CTNNA2: variants seen among roughly 807,000 people sequenced by gnomAD.
The protein encoded by CTNNA2 is catenin alpha-2.
A neutral mutation model predicts 101.0 loss-of-function variants in CTNNA2; 42 were observed. The ratio of observed to expected loss-of-function variants is 0.42; its 90% CI spans 0.32 to 0.54. The LOEUF (loss-of-function observed/expected upper bound fraction) is 0.54, where lower values mean the gene tolerates loss of function less well. CTNNA2 is among the 20% of genes least tolerant of loss of function. The pLI is 0.14. For synonymous variants in CTNNA2, 450 were observed against 456.4 expected (o/e 0.99, Z 0.18); for missense variants, 871 against 1,223.1 (o/e 0.71, Z 4.29).
At chr2:80,179,328 G>A (rs1705605893) in intron 7 of CTNNA2, among the ~76,000 whole-genome samples, 1 of 151,800 alleles carries the variant, frequency 6.6e-6, no homozygotes, top group Non-Finnish European at 1.5e-5. Flanking sequence ...GAGATGAACA[G>A]GAATGTGGTG....
Position 80,574,211 on chromosome 2 carries a change from G to A in CTNNA2, c.1790G>A (p.Ser597Asn). 5 of 1,613,750 alleles carry A rather than the reference G, an allele frequency of 3.1e-6. No homozygotes were observed. Among genetic ancestry groups the A allele is most frequent in the Non-Finnish European group, 4.2e-6 (5 of 1,179,774 alleles). ...EQVEVAIEAL[S>N]ANVPQPFEEN... is the part of the protein sequence containing the mutation. The stretch of plus-strand genomic sequence containing the variant: ...GTAGAGGTTGCCATTGAAGCCCTGA[G>A]TGCCAACGTTCCTCAACCGTTTGAG... Residue 597 changes from serine (S) to asparagine (N), a missense_variant, in exon 13 of 19, where the codon AGT (serine) becomes AAT (asparagine). Ser to Asn is a conservative substitution (Grantham distance 46). Transcript: ENST00000402739.
chr2:79,653,439 A>G (rs1462963716), intron 2 of CTNNA2, among the ~76,000 whole-genome samples: 1 of 152,156 alleles, frequency 6.6e-6, no homozygotes, highest in Non-Finnish European at 1.5e-5. Context: ...CATTAGAAAA[A>G]CAGGCTCCTC....
chr2:79,224,153 A>G (rs1435535598), intron 2 of CTNNA2, among the ~76,000 whole-genome samples: 77 of 152,336 alleles, frequency 5.1e-4, no homozygotes, highest in African/African-American at 1.9e-4. Flanking sequence ...AAATATATGT[A>G]TATGTATTTG....
At chr2:80,318,078 A>G (rs1231405777) in intron 7 of CTNNA2, among the ~76,000 whole-genome samples, 1 of 152,088 alleles carries the variant, frequency 6.6e-6, no homozygotes, top group Non-Finnish European at 1.5e-5. Flanking sequence ...ATGTCCACGT[A>G]TTCACCCATC....
intron 1 of CTNNA2, among the ~76,000 whole-genome samples, chr2:79,584,837 G>A (rs1234109728): frequency 6.6e-6 from 1 of 152,156 alleles, no homozygotes; most frequent in Non-Finnish European, 1.5e-5. Flanking sequence ...ATTTTCATAT[G>A]CACTTGAAAC....
chr2:80,000,067 T>C (rs1692835634), intron 7 of CTNNA2, among the ~76,000 whole-genome samples: 1 of 152,140 alleles, frequency 6.6e-6, no homozygotes, highest in Non-Finnish European at 1.5e-5. Flanking sequence ...ATATTAGTTA[T>C]TTACAGATGA....
intron 12 of CTNNA2, among the ~76,000 whole-genome samples, chr2:80,563,063 G>A (rs4852582): frequency 0.82 from 112,495 of 136,914 alleles, 44,083 homozygotes; most frequent in East Asian, 0.9. Context: ...AAAAAAAAAA[G>A]AAAGACATGA....
intron 1 of CTNNA2, chr2:79,636,951 G>A (rs1396461812): frequency 6.6e-6 from 1 of 151,944 alleles, no homozygotes; most frequent in South Asian, 2.1e-4. Context: ...TAGTATATAA[G>A]CTGGGAAATC....
chr2:79,194,894 G>A (rs187024450), intron 1 of CTNNA2, among the ~76,000 whole-genome samples: 1 of 152,226 alleles, frequency 6.6e-6, no homozygotes, highest in Admixed American at 6.5e-5. Context: ...CTGTTTCTCA[G>A]AGAAAATTGT....
At chr2:79,804,571 T>C (rs543597312) in intron 3 of CTNNA2, among the ~76,000 whole-genome samples, 12 of 152,262 alleles carry the variant, frequency 7.9e-5, no homozygotes, top group Admixed American at 7.2e-4. Context: ...GTGGGGAAAA[T>C]TAATGGAATT....
intron 9 of CTNNA2, among the ~76,000 whole-genome samples, chr2:80,541,931 A>G (rs56653963): frequency 0.36 from 44,912 of 124,650 alleles, 9,532 homozygotes; most frequent in South Asian, 0.47. Context: ...ATCCCAAAGT[A>G]AAGAATGTGT....
intron 12 of CTNNA2, among the ~76,000 whole-genome samples, chr2:80,568,566 C>CGTGTGTGTGTGTGTGT (rs36104924): frequency 3.3e-4 from 49 of 149,426 alleles, no homozygotes; most frequent in African/African-American, 1.1e-3. Flanking sequence ...TAATGGTGTG[C>CGTGTGTGTGTGTGTGT]GTGTGTGTGT....
At chr2:80,439,141 T>A (rs1682325306) in intron 9 of CTNNA2, among the ~76,000 whole-genome samples, 1 of 152,104 alleles carries the variant, frequency 6.6e-6, no homozygotes, top group Non-Finnish European at 1.5e-5. Flanking sequence ...CTTTCCCCAG[T>A]CTAAATAATT....
chr2:80,221,773 A>T (rs1006608), intron 7 of CTNNA2, among the ~76,000 whole-genome samples: 2 of 152,080 alleles, frequency 1.3e-5, no homozygotes, highest in Non-Finnish European at 2.9e-5. Flanking sequence ...GAAGGAAAGG[A>T]TGAGGTGGTA....
intron 7 of CTNNA2, among the ~76,000 whole-genome samples, chr2:79,943,708 A>G (rs924903631): frequency 1.3e-5 from 2 of 152,238 alleles, no homozygotes; most frequent in Non-Finnish European, 2.9e-5. Context: ...TTACCTGGGT[A>G]CATTGTTACC....
At chr2:80,446,001 A>G (rs1000082574) in intron 9 of CTNNA2, among the ~76,000 whole-genome samples, 2 of 152,140 alleles carry the variant, frequency 1.3e-5, no homozygotes, top group African/African-American at 4.8e-5. Flanking sequence ...TGCCTCATAC[A>G]TTGGCATTAT....
chr2:80,424,034 C>T (rs1167206517), intron 9 of CTNNA2, among the ~76,000 whole-genome samples: 1 of 152,062 alleles, frequency 6.6e-6, no homozygotes, highest in Non-Finnish European at 1.5e-5. Context: ...CTGCTCACTG[C>T]AACCTCCACC....
chr2:79,230,544 G>A (rs1162305606), intron 2 of CTNNA2, among the ~76,000 whole-genome samples: 1 of 152,268 alleles, frequency 6.6e-6, no homozygotes, highest in Non-Finnish European at 1.5e-5. Flanking sequence ...AGCCCTCATG[G>A]AGAACTTCTG....
intron 3 of CTNNA2, among the ~76,000 whole-genome samples, chr2:79,806,458 G>A (rs1447159304): frequency 6.6e-6 from 1 of 152,088 alleles, no homozygotes; most frequent in Non-Finnish European, 1.5e-5. Context: ...AAAAGAGTTG[G>A]CTTGGAGGAG....
Sources: gnomAD v4.1 joint callset for allele counts (sites outside exome capture counted in the v4.1 genomes callset) on GRCh38, gnomAD v4.1.1 for gene constraint, MANE v1.5 for transcripts, NCBI Gene and HGNC (gene_info 2026-07-23, HGNC 2026-07-21) for gene names.